Variants in TENM2 observed in about 807,000 individuals in gnomAD.
The protein encoded by TENM2 is teneurin-2.
In TENM2, 52 loss-of-function variants were observed where a neutral mutation model predicts 245.2. The observed-to-expected ratio is 0.21, with a 90% CI of 0.17 to 0.27. The LOEUF (loss-of-function observed/expected upper bound fraction) is 0.27. Ranked by LOEUF, TENM2 falls within the 10% of genes least tolerant of loss-of-function variation. The pLI, the probability that TENM2 is intolerant of heterozygous loss-of-function variation, is 1.00. For synonymous variants in TENM2, 1,363 were observed against 1,438.9 expected (o/e 0.95, Z 1.19); for missense variants, 3,046 against 3,666.8 (o/e 0.83, Z 4.37).
Position 167,824,471 on chromosome 5 carries a change from G to GT in TENM2, c.503-51508dup, listed in dbSNP as rs987425092. ...GGTCAGAACAAGCTTCATAGATGCA[G>GT]TTTTTTTAAGAGAACTGGCCTGGCA... On this transcript the variant is annotated intron_variant, in intron 2 of 28. Coordinates refer to ENST00000518659, the Ensembl canonical transcript of TENM2. Among the ~76,000 whole-genome samples, 23 of 152,292 alleles carry GT rather than the reference G, an allele frequency of 1.5e-4. No individual in the cohort carries two copies. The South Asian group carries it at 1.9e-3, about 12-fold the overall frequency.
At chr5:167,163,604 A>G in the TENM2 span, among the ~76,000 whole-genome samples, 1 of 152,114 alleles carries the variant, frequency 6.6e-6, no homozygotes, top group Non-Finnish European at 1.5e-5. Context: ...CGGTTTTAAC[A>G]CTTTCACCAG....
At chr5:167,495,558 T>C (rs1318511174) in intron 2 of TENM2, among the ~76,000 whole-genome samples, 1 of 152,058 alleles carries the variant, frequency 6.6e-6, no homozygotes, top group Non-Finnish European at 1.5e-5. Flanking sequence ...GTAATGGGCA[T>C]TGGGAAATAA....
chr5:168,061,439 C>T (rs1171728028), intron 6 of TENM2, among the ~76,000 whole-genome samples: 2 of 152,110 alleles, frequency 1.3e-5, no homozygotes, highest in African/African-American at 4.8e-5. Context: ...CTGAAGGATA[C>T]TGAGTGTGGG....
At chr5:167,664,285 C>A (rs571021003) in intron 2 of TENM2, among the ~76,000 whole-genome samples, 1 of 152,282 alleles carries the variant, frequency 6.6e-6, no homozygotes, top group Non-Finnish European at 1.5e-5. Flanking sequence ...ATGTATTTTT[C>A]AGAAGAGATG....
the TENM2 span, among the ~76,000 whole-genome samples, chr5:166,996,362 A>G: frequency 1.1e-4 from 17 of 152,304 alleles, no homozygotes; most frequent in Admixed American, 7.2e-4. Flanking sequence ...ATAAAACCAA[A>G]CAAAACAACA....
At position 167,914,711 on chromosome 5, in the gene TENM2, C is replaced by A. The variant is rs546176424; in HGVS notation, c.713-37877C>A. On this transcript the variant is annotated intron_variant, in intron 3 of 28. Coordinates refer to ENST00000518659, the Ensembl canonical transcript of TENM2. Reference sequence around the variant, plus strand: ...TGTCAGCAGGGCCATGCTCCCTGAGCCTCTCAGGGAGGATCTTTCCTTGTC... The same window carrying A: ...TGTCAGCAGGGCCATGCTCCCTGAGACTCTCAGGGAGGATCTTTCCTTGTC... Among the ~76,000 whole-genome samples, 38 of 152,238 alleles carry A rather than the reference C, an allele frequency of 2.5e-4. No individual in the cohort carries two copies. In the South Asian group the frequency reaches 7.5e-3, roughly 30 times the overall value.
At chr5:167,524,730 C>A (rs915432126) in intron 2 of TENM2, among the ~76,000 whole-genome samples, 3 of 151,844 alleles carry the variant, frequency 2.0e-5, no homozygotes, top group Admixed American at 1.3e-4. Flanking sequence ...CCAATTAAAT[C>A]AAAGTCACTG....
At chr5:167,673,678 G>A (rs1188600601) in intron 2 of TENM2, among the ~76,000 whole-genome samples, 2 of 152,000 alleles carry the variant, frequency 1.3e-5, no homozygotes, top group Admixed American at 6.6e-5. Flanking sequence ...CTCAGAAAAG[G>A]GGGTCAAGTT....
chr5:168,090,843 A>G, intron 8 of TENM2, 74 bp downstream of exon 10: 3 of 1,332,742 alleles, frequency 2.3e-6, no homozygotes, highest in Non-Finnish European at 2.1e-6. Flanking sequence ...TGCAGAAGAC[A>G]CATCTTCTAA....
At chr5:167,921,114 AT>A (rs1160504400) in intron 3 of TENM2, among the ~76,000 whole-genome samples, 1 of 152,226 alleles carries the variant, frequency 6.6e-6, no homozygotes, top group African/African-American at 2.4e-5. Context: ...AAAATATATG[AT>A]TTCACCATAA....
At chr5:167,372,317 A>T (rs986976314) in intron 1 of TENM2, among the ~76,000 whole-genome samples, 5 of 152,166 alleles carry the variant, frequency 3.3e-5, no homozygotes, top group African/African-American at 1.2e-4. Flanking sequence ...ATCTTACTTG[A>T]TTCCTGAAGA....
At chr5:167,699,471 A>G (rs1758001998) in intron 2 of TENM2, among the ~76,000 whole-genome samples, 1 of 152,204 alleles carries the variant, frequency 6.6e-6, no homozygotes, top group Non-Finnish European at 1.5e-5. Flanking sequence ...GTACTTGAAA[A>G]GACCTCTTTC....
intron 14 of TENM2, among the ~76,000 whole-genome samples, chr5:168,194,610 G>A (rs1936054983): frequency 6.6e-6 from 1 of 152,074 alleles, no homozygotes; most frequent in South Asian, 2.1e-4. Flanking sequence ...GAAGGGTTTT[G>A]CTATATATAT....
At chr5:167,375,437 G>T (rs1437742189) in exon 2 of TENM2, 1 of 1,551,716 alleles carries the variant, frequency 6.4e-7, no homozygotes, top group Admixed American at 2.0e-5. Context: ...TACCCTGACT[G>T]ACTCTGACAA....
At chr5:167,897,407 A>T (rs1266087178) in intron 3 of TENM2, among the ~76,000 whole-genome samples, 1 of 152,182 alleles carries the variant, frequency 6.6e-6, no homozygotes, top group African/African-American at 2.4e-5. Context: ...AAACAATATT[A>T]GCTAAAGAGC....
At chr5:167,833,204 T>G (rs566978251) in intron 2 of TENM2, among the ~76,000 whole-genome samples, 1 of 152,184 alleles carries the variant, frequency 6.6e-6, no homozygotes, top group Non-Finnish European at 1.5e-5. Context: ...CATCCATCAA[T>G]TTTATAATGA....
chr5:167,082,596 T>C, the TENM2 span, among the ~76,000 whole-genome samples: 1 of 152,196 alleles, frequency 6.6e-6, no homozygotes, highest in African/African-American at 2.4e-5. Flanking sequence ...AAGTGAGATA[T>C]GCTGTTTTCA....
chr5:168,130,519 G>A (rs1754485478), intron 12 of TENM2: 2 of 152,332 alleles, frequency 1.3e-5, no homozygotes, highest in South Asian at 4.1e-4. Context: ...TGTGTGGCTA[G>A]AAGAGGTTTA....
chr5:167,135,908 A>T, the TENM2 span, among the ~76,000 whole-genome samples: 6 of 152,226 alleles, frequency 3.9e-5, no homozygotes, highest in Non-Finnish European at 5.9e-5. Flanking sequence ...TATAAACAAC[A>T]AGGTAAAGAA....
Sources: allele counts gnomAD v4.1 joint callset (sites outside exome capture counted in the v4.1 genomes callset), GRCh38; gene constraint gnomAD v4.1.1; transcripts MANE v1.5; gene names NCBI Gene and HGNC (gene_info 2026-07-23, HGNC 2026-07-21).